Variants in ZNF765 observed in about 807,000 individuals in gnomAD.
ZNF765 encodes zinc finger protein 765.
A neutral mutation model predicts 44.7 loss-of-function variants in ZNF765; 37 were observed. The ratio of observed to expected loss-of-function variants is 0.83; its 90% CI spans 0.64 to 1.09. ZNF765 has a LOEUF of 1.09. ZNF765 is among the 50% of genes least tolerant of loss of function. ZNF765 has a pLI of 0.00. For missense variants in ZNF765, 594 were observed against 626.1 expected (o/e 0.95, Z 0.55); for synonymous variants, 201 against 213.7 (o/e 0.94, Z 0.52).
chr19:53,425,593 T>G (rs1329603936), exon 4 of ZNF765: 2 of 152,406 alleles, frequency 1.3e-5, no homozygotes, highest in East Asian at 3.9e-4. Context: ...ATTACAGACG[T>G]GAGCCACCGT....
At chr19:53,418,673 G>A (rs1284032429) in intron 3 of ZNF765, among the ~76,000 whole-genome samples, 1 of 151,950 alleles carries the variant, frequency 6.6e-6, no homozygotes, top group African/African-American at 2.4e-5. Flanking sequence ...AATGGTGGGG[G>A]GGGCGGTGGA....
chr19:53,398,200 T>C (rs980047916), intron 2 of ZNF765, among the ~76,000 whole-genome samples, 170 bp downstream of exon 2: 13 of 152,188 alleles, frequency 8.5e-5, no homozygotes, highest in Admixed American at 2.6e-4. Flanking sequence ...TCTCCCATGA[T>C]CCAGTGACAT....
chr19:53,398,060 G>C, intron 2 of ZNF765, 30 bp downstream of exon 2: 1 of 1,613,684 alleles, frequency 6.2e-7, no homozygotes, highest in Admixed American at 1.7e-5. Context: ...GGATTGTTCT[G>C]TCTCCTTCTT....
At chr19:53,412,436 TTGA>T (rs1456221264), downstream of ZNF765, among the ~76,000 whole-genome samples, 1 of 152,208 alleles carries the variant, frequency 6.6e-6, no homozygotes, top group East Asian at 1.9e-4. Flanking sequence ...ACAAGGGATC[TTGA>T]TGAAGTTCAT....
At position 53,402,160 on chromosome 19, in the gene ZNF765, G is replaced by T. The variant is rs372190185; in HGVS notation, c.111G>T (p.Met37Ile). 2.0e-5 allele frequency: 33 copies of T among 1,613,686 alleles called. No homozygotes were observed. The highest frequency in any genetic ancestry group is 3.3e-5 in the Admixed American group (2 of 59,962). Residue 37 changes from methionine to isoleucine, a missense_variant, in exon 3 of 4, where the codon ATG (methionine) becomes ATT (isoleucine). Physicochemically the swap from Met to Ile is conservative, Grantham distance 10. Transcript: ENST00000396408. The stretch of plus-strand genomic sequence containing the variant: ...AGAGGACTCTATACAGGGACGTGAT[G>T]CTGGAGAATTATAGGAACCTGGTCT... ...PAQRTLYRDVMLENYRNLVSL... is the reference protein window; with the variant it reads ...PAQRTLYRDVILENYRNLVSL...
At position 53,410,905 on chromosome 19, in the gene ZNF765, A is replaced by G. The variant is rs2085827763; in HGVS notation, c.*1778A>G. On this transcript the variant is annotated 3_prime_UTR_variant, in exon 4 of 4. Coordinates refer to ENST00000396408, the MANE Select transcript of ZNF765 (RefSeq NM_001040185.3). ...CACCTCACTAGACATCAGAGAATGC[A>G]TACTGGACAGAAATCTTATAAATGT... is the stretch of plus-strand genomic sequence containing the variant. 2 of 449,866 alleles carry G rather than the reference A, an allele frequency of 4.4e-6. No individual in the cohort carries two copies. The highest frequency in any genetic ancestry group is 9.1e-6 in the Non-Finnish European group (2 of 219,868). The allele number at this position is 449,866 out of a possible 1,614,324, so 27.9% of individuals were successfully genotyped here.
In ZNF765 at chr19:53,402,143, CTA is replaced by C; in HGVS notation, c.97_98del (p.Tyr33GlnfsTer9). ...WKCLDPAQRT[L>X]YRDVMLENYR... is the part of the protein sequence containing the mutation. Reference sequence around the variant, plus strand: ...ATGCCTGGACCCTGCTCAGAGGACTCTATACAGGGACGTGATGCTGGAGAATT... The same window carrying C: ...ATGCCTGGACCCTGCTCAGAGGACTCTACAGGGACGTGATGCTGGAGAATT... On this transcript the variant is annotated frameshift_variant, in exon 3 of 4. Transcript: ENST00000396408. LOFTEE classifies it high-confidence loss of function. The C allele has an allele frequency of 6.2e-7, 1 of 1,613,682 alleles. No homozygotes were observed. Among genetic ancestry groups the C allele is most frequent in the Middle Eastern group, 1.7e-4 (1 of 6,056 alleles).
At position 53,410,042 on chromosome 19, in the gene ZNF765, AT is replaced by A. The variant is rs1305641571; in HGVS notation, c.*916del. The A allele has an allele frequency of 9.7e-5, 47 of 482,564 alleles. No homozygotes were observed. The highest frequency in any genetic ancestry group is 7.9e-4 in the African/African-American group (40 of 50,490). 29.9% of individuals were successfully genotyped at this position (482,564 alleles called of 1,614,324 possible). On this transcript the variant is annotated 3_prime_UTR_variant, in exon 4 of 4. Coordinates refer to ENST00000396408, the MANE Select transcript of ZNF765 (RefSeq NM_001040185.3). ...AATAAATGCAGAAAATTTTTCAGAC[AT>A]CCTTCATACCTTTGCAGTTCATGGG... is the stretch of plus-strand genomic sequence containing the variant.
exon 4 of ZNF765, chr19:53,423,797 C>G (rs1404033139): frequency 6.3e-6 from 1 of 159,620 alleles, no homozygotes; most frequent in Non-Finnish European, 1.4e-5. Context: ...GGTTATGAAA[C>G]GAGGCTTGTT....
chr19:53,398,447 T>C lies in ZNF765; in HGVS notation c.15+417T>C, dbSNP rs534476285. Among the ~76,000 whole-genome samples, 13 of 152,318 alleles carry C rather than the reference T, an allele frequency of 8.5e-5. No individual in the cohort carries two copies. In the Middle Eastern group the frequency reaches 0.01, roughly 120 times the overall value. Reference sequence around the variant, plus strand: ...TAAATTCTAGAAAAGGTGACCAATATGGAGCAATTTTTTCTGCCTGATTTT... The same window carrying C: ...TAAATTCTAGAAAAGGTGACCAATACGGAGCAATTTTTTCTGCCTGATTTT... On this transcript the variant is annotated intron_variant, in intron 2 of 3. Coordinates refer to ENST00000396408, the MANE Select transcript of ZNF765 (RefSeq NM_001040185.3).
intron 3 of ZNF765, among the ~76,000 whole-genome samples, chr19:53,405,560 A>G (rs1474622836): frequency 6.6e-6 from 1 of 151,424 alleles, no homozygotes; most frequent in South Asian, 2.1e-4. Flanking sequence ...TAGCCCAGCC[A>G]TCTTCCTGCC....
At chr19:53,404,496 A>G (rs1412359597) in intron 3 of ZNF765, among the ~76,000 whole-genome samples, 1 of 151,996 alleles carries the variant, frequency 6.6e-6, no homozygotes, top group African/African-American at 2.4e-5. Flanking sequence ...TCTGTCACCC[A>G]GGCTGGAGTG....
At position 53,409,902 on chromosome 19, in the gene ZNF765, A is replaced by G; in HGVS notation, c.*775A>G. Reference sequence around the variant, plus strand: ...GAGTGTAGAAAAACCTTTCATGGGCAGTCAGCATTTTACAAATGTAATGAT... The same window carrying G: ...GAGTGTAGAAAAACCTTTCATGGGCGGTCAGCATTTTACAAATGTAATGAT... On this transcript the variant is annotated 3_prime_UTR_variant, in exon 4 of 4. Transcript: ENST00000396408. 1 of 636,822 alleles carries G rather than the reference A, an allele frequency of 1.6e-6. No individual in the cohort carries two copies. The highest frequency in any genetic ancestry group is 3.0e-6 in the Non-Finnish European group (1 of 328,730). The allele number at this position is 636,822 out of a possible 1,614,324, so 39.4% of individuals were successfully genotyped here.
intron 3 of ZNF765, among the ~76,000 whole-genome samples, chr19:53,422,475 T>G (rs2085913089): frequency 6.6e-6 from 1 of 152,238 alleles, no homozygotes; most frequent in African/African-American, 2.4e-5. Flanking sequence ...ACACTTAAAA[T>G]AGGACACATC....
At chr19:53,395,668 G>C (rs1173561330) in intron 1 of ZNF765, among the ~76,000 whole-genome samples, 1 of 152,202 alleles carries the variant, frequency 6.6e-6, no homozygotes, top group Non-Finnish European at 1.5e-5. Flanking sequence ...CCTTTTGCGG[G>C]CCCTACTGCT....
At chr19:53,399,535 G>A (rs941731511) in intron 2 of ZNF765, among the ~76,000 whole-genome samples, 2 of 151,964 alleles carry the variant, frequency 1.3e-5, no homozygotes, top group Non-Finnish European at 2.9e-5. Flanking sequence ...ACAAAAATTA[G>A]CCTGGCGTGA....
intron 3 of ZNF765, among the ~76,000 whole-genome samples, chr19:53,420,097 A>G (rs570846621): frequency 6.6e-6 from 1 of 151,364 alleles, no homozygotes; most frequent in African/African-American, 2.4e-5. Context: ...ACTTTGGGAG[A>G]CCGAGGCGGG....
Position 53,410,495 on chromosome 19 carries a change from G to T in ZNF765, c.*1368G>T. ...ACAACATCCTAGAATTCACATTGGA[G>T]AGAAAGCTTACAAGTATAATGAATG... is the stretch of plus-strand genomic sequence containing the variant. On this transcript the variant is annotated 3_prime_UTR_variant, in exon 4 of 4. Transcript: ENST00000396408. 2.6e-6 allele frequency: 1 copy of T among 386,168 alleles called. No individual in the cohort carries two copies. The highest frequency in any genetic ancestry group is 2.4e-5 in the South Asian group (1 of 41,878). 23.9% of individuals were successfully genotyped at this position (386,168 alleles called of 1,614,324 possible).
chr19:53,403,573 G>T (rs1249976191), intron 3 of ZNF765, among the ~76,000 whole-genome samples: 1 of 152,200 alleles, frequency 6.6e-6, no homozygotes, highest in Non-Finnish European at 1.5e-5. Context: ...TTGTGCCCCA[G>T]TGGCTCACGC....
Sources: allele counts gnomAD v4.1 joint callset (sites outside exome capture counted in the v4.1 genomes callset), GRCh38; gene constraint gnomAD v4.1.1; transcripts MANE v1.5; gene names NCBI Gene and HGNC (gene_info 2026-07-23, HGNC 2026-07-21).